Variants in SVOP observed in about 807,000 individuals in gnomAD.
SVOP encodes synaptic vesicle 2-related protein.
A neutral mutation model predicts 69.1 loss-of-function variants in SVOP; 17 were observed. That is an observed-to-expected ratio of 0.25 (90% CI 0.17 to 0.37). The LOEUF is 0.37. SVOP is among the 10% of genes least tolerant of loss of function. The pLI is 1.00. For synonymous variants in SVOP, 238 were observed against 238.6 expected, an observed-to-expected ratio of 1.00 and a Z score of 0.02; for missense variants, 435 against 597.5, an observed-to-expected ratio of 0.73 and a Z score of 2.84.
chr12:108,954,113 C>CA (rs760331681), intron 6 of SVOP, among the ~76,000 whole-genome samples: 19,631 of 61,556 alleles, frequency 0.32, 3,313 homozygotes, highest in African/African-American at 0.46. Flanking sequence ...GAATCTGTCT[C>CA]AAAAAAAAAA....
rs1476266115 is a variant in SVOP at position 108,912,125 on chromosome 12, T to A, written c.*410A>T. ...GTGTGGGAGAAACCTACTGAACAGG[T>A]CCGGTGGGTGGACAGCAGGTGTCAC... On this transcript the variant is annotated 3_prime_UTR_variant, in exon 16 of 16. Coordinates refer to ENST00000610966, the MANE Select transcript of SVOP (RefSeq NM_018711.5). The A allele has an allele frequency of 2.0e-6, 2 of 996,782 alleles. No homozygotes were observed. The highest frequency in any genetic ancestry group is 1.8e-4 in the East Asian group (2 of 11,226). 61.7% of individuals were successfully genotyped at this position (996,782 alleles called of 1,614,324 possible).
intron 15 of SVOP, among the ~76,000 whole-genome samples, chr12:108,914,175 T>C (rs1269979355): frequency 6.6e-6 from 1 of 152,166 alleles, no homozygotes; most frequent in African/African-American, 2.4e-5. Context: ...AGAAAGCAGA[T>C]GGGTGGTTGC....
intron 6 of SVOP, among the ~76,000 whole-genome samples, chr12:108,954,376 A>C (rs553101924): frequency 1.3e-5 from 2 of 152,336 alleles, no homozygotes; most frequent in African/African-American, 4.8e-5. Context: ...CTCAATAAAC[A>C]CATGGAAGGG....
rs1298322853 is a variant in SVOP at position 108,983,634 on chromosome 12, C to T, written c.163G>A (p.Ala55Thr). Residue 55 changes from alanine (A) to threonine (T), a missense_variant, in exon 2 of 16, where the codon GCT becomes ACT. Coordinates refer to ENST00000610966, the MANE Select transcript of SVOP (RefSeq NM_018711.5). ...GGATTGGCAAACTCCTTGGGCACAG[C>T]TGCCCCATCATCCAGCTCCACAGCC... ...LEAVELDDGA[A>T]VPKEFANPTD... 2 of 398,776 alleles carry T rather than the reference C, an allele frequency of 5.0e-6. No individual in the cohort carries two copies. The highest frequency in any genetic ancestry group is 2.1e-5 in the African/African-American group (1 of 48,648). 24.7% of individuals were successfully genotyped at this position (398,776 alleles called of 1,614,324 possible).
chr12:108,935,588 C>A (rs1207095431), intron 10 of SVOP, among the ~76,000 whole-genome samples: 1 of 152,180 alleles, frequency 6.6e-6, no homozygotes, highest in African/African-American at 2.4e-5. Flanking sequence ...ATTATCAAAG[C>A]TTTTTTCTCC....
At chr12:108,953,272 C>T (rs1266425393) in intron 6 of SVOP, among the ~76,000 whole-genome samples, 1 of 151,356 alleles carries the variant, frequency 6.6e-6, no homozygotes, top group Admixed American at 6.6e-5. Context: ...CCTCAGCCTC[C>T]CAAGTAGCTG....
chr12:108,977,454 G>A lies in SVOP; in HGVS notation c.325C>T (p.Pro109Ser), dbSNP rs1241228305. 6.5e-7 allele frequency: 1 copy of A among 1,537,108 alleles called. No individual in the cohort carries two copies. The highest frequency in any genetic ancestry group is 1.4e-5 in the African/African-American group (1 of 73,054). Residue 109 changes from proline to serine, a missense_variant, in exon 4 of 16, where the codon CCA (proline) becomes TCA (serine). Transcript: ENST00000610966. ...MEMMILSILA[P>S]QLHCEWRLPS... is the part of the protein sequence containing the mutation. ...AGCCTCCACTCGCAATGCAGCTGTG[G>A]TGCCAGGATGCTGAGGATCATCATC... is the stretch of plus-strand genomic sequence containing the variant.
intron 5 of SVOP, among the ~76,000 whole-genome samples, chr12:108,962,415 T>C (rs145737353): frequency 1.6e-4 from 24 of 152,312 alleles, no homozygotes; most frequent in African/African-American, 5.8e-4. Context: ...TTTTTTAAAG[T>C]ACGTGAATGA....
chr12:108,990,012 A>G (rs1455335412), intron 1 of SVOP, among the ~76,000 whole-genome samples: 2 of 152,234 alleles, frequency 1.3e-5, no homozygotes, highest in Non-Finnish European at 2.9e-5. Context: ...ATGGCTGCTC[A>G]GGTTACAGCA....
intron 6 of SVOP, among the ~76,000 whole-genome samples, chr12:108,958,846 A>C (rs2040000651): frequency 6.6e-6 from 1 of 151,426 alleles, no homozygotes; most frequent in Admixed American, 6.6e-5. Flanking sequence ...CCCCGCCCCA[A>C]TCTGAAACAC....
Position 108,907,883 on chromosome 12 carries a change from C to T in SVOP, c.*4652G>A, listed in dbSNP as rs1180246963. ...CTGTAAGAGAGTTCTGATGAATAGA[C>T]TTGAGAGTTTATGCACATGTCACTG... On this transcript the variant is annotated 3_prime_UTR_variant, in exon 16 of 16. Transcript: ENST00000610966. 1 of 152,276 alleles carries T rather than the reference C, an allele frequency of 6.6e-6. No individual in the cohort carries two copies. The highest frequency in any genetic ancestry group is 2.4e-5 in the African/African-American group (1 of 41,454). The allele number at this position is 152,276 out of a possible 1,614,324, so 9.4% of individuals were successfully genotyped here. A position where few individuals can be genotyped will look rare whatever the true frequency, so the allele number is the denominator to read the frequency against.
Position 108,954,005 on chromosome 12 carries a change from G to A in SVOP, c.578+6918C>T, listed in dbSNP as rs149290584. Among the ~76,000 whole-genome samples, 1,195 of 151,706 alleles carry A rather than the reference G, an allele frequency of 7.9e-3. 17 individuals carry two copies. The highest frequency in any genetic ancestry group is 0.027 in the African/African-American group (1,127 of 41,316). On this transcript the variant is annotated intron_variant, in intron 6 of 15. Coordinates refer to ENST00000610966, the MANE Select transcript of SVOP (RefSeq NM_018711.5). ...CTTGCTCCCATAATCCCAGCTACTCGGGAAGCTGAGGTGGGAGGATCGCTT... is the reference window on the plus strand; with the variant it reads ...CTTGCTCCCATAATCCCAGCTACTCAGGAAGCTGAGGTGGGAGGATCGCTT...
intron 12 of SVOP, among the ~76,000 whole-genome samples, chr12:108,920,339 C>A (rs888286736): frequency 6.6e-6 from 1 of 152,194 alleles, no homozygotes; most frequent in Non-Finnish European, 1.5e-5. Flanking sequence ...CAATAGATAA[C>A]TAACCCAGGC....
intron 11 of SVOP, among the ~76,000 whole-genome samples, chr12:108,928,502 G>T (rs780370010): frequency 6.6e-6 from 1 of 151,806 alleles, no homozygotes; most frequent in Non-Finnish European, 1.5e-5. Context: ...ATGTGGAGAA[G>T]GGGCCTCTGA....
In SVOP at chr12:108,984,690, G is replaced by C. The variant is rs915016588; in HGVS notation, c.36-929C>G. Among the ~76,000 whole-genome samples the C allele has an allele frequency of 1.6e-4, 24 of 152,252 alleles. 3 individuals are homozygous for C. Among genetic ancestry groups the C allele is most frequent in the Admixed American group, 7.8e-4 (12 of 15,296 alleles). ...GCTGTTTCTTGTTCCTCTGCAAGAAGCTTTGATTTTTCTGGGCAGTAGTTT... is the reference window on the plus strand; with the variant it reads ...GCTGTTTCTTGTTCCTCTGCAAGAACCTTTGATTTTTCTGGGCAGTAGTTT... On this transcript the variant is annotated intron_variant, in intron 1 of 15. Transcript: ENST00000610966.
chr12:109,018,101 GATGGATGAATGAATGA>G (rs1362715308), intron 1 of SVOP, among the ~76,000 whole-genome samples: 1 of 100,058 alleles, frequency 1.0e-5, no homozygotes, highest in Non-Finnish European at 2.5e-5. Flanking sequence ...TGAAAGAATG[GATGGATGAATGAATGA>G]ATGAATGAAT....
intron 2 of SVOP, 47 bp from the exon 3 acceptor site, chr12:108,978,710 C>T: frequency 1.4e-6 from 1 of 700,710 alleles, no homozygotes. Context: ...GTGCACCTTG[C>T]AGTTGTCCTA....
chr12:109,006,176 C>G (rs1193756943), intron 1 of SVOP, among the ~76,000 whole-genome samples: 1 of 152,088 alleles, frequency 6.6e-6, no homozygotes, highest in Non-Finnish European at 1.5e-5. Context: ...CCTCAACCTC[C>G]CAAGTAGCTG....
chr12:108,964,564 G>T (rs1308290291), intron 5 of SVOP, among the ~76,000 whole-genome samples: 1 of 151,994 alleles, frequency 6.6e-6, no homozygotes, highest in African/African-American at 2.4e-5. Context: ...AGCTGGCTCT[G>T]CATTTGTCTG....
Sources: gnomAD v4.1 joint callset for allele counts (sites outside exome capture counted in the v4.1 genomes callset) on GRCh38, gnomAD v4.1.1 for gene constraint, MANE v1.5 for transcripts, NCBI Gene and HGNC (gene_info 2026-07-23, HGNC 2026-07-21) for gene names.